The following ADAM2 variants were observed in gnomAD, a reference collection of about 807,000 sequenced individuals.
The protein encoded by ADAM2 is ADAM metallopeptidase domain 2.
In ADAM2, 101 loss-of-function variants were observed where a neutral mutation model predicts 99.3. The observed-to-expected ratio is 1.02, with a 90% CI of 0.87 to 1.20. The LOEUF (loss-of-function observed/expected upper bound fraction) is 1.20. Ranked by LOEUF, ADAM2 falls within the 50% of genes most tolerant of loss-of-function variation. ADAM2 has a pLI of 0.00. For synonymous variants in ADAM2, 323 were observed against 287.6 expected (o/e 1.12, Z -1.25); for missense variants, 948 against 878.7 (o/e 1.08, Z -1.00).
At chr8:39,769,679 AAGTCTGTG>A (rs1166360434) in intron 11 of ADAM2, 104 bp from the exon 12 acceptor site, 2 of 692,918 alleles carry the variant, frequency 2.9e-6, no homozygotes, top group Admixed American at 5.6e-5. Context: ...CCAAATTCCC[AAGTCTGTG>A]AGTGTCAATG....
At chr8:39,827,384 C>T (rs1057444943) in intron 3 of ADAM2, among the ~76,000 whole-genome samples, 1 of 152,076 alleles carries the variant, frequency 6.6e-6, no homozygotes, top group African/African-American at 2.4e-5. Context: ...CTTTACTGGG[C>T]ATATATCCAA....
intron 10 of ADAM2, among the ~76,000 whole-genome samples, chr8:39,785,796 TAAA>T (rs58429092): frequency 0.025 from 3,123 of 122,480 alleles, 99 homozygotes; most frequent in African/African-American, 0.087. Flanking sequence ...CTGTCTCAAA[TAAA>T]AAAAAAAAAA....
chr8:39,794,509 A>G (rs1364329225), intron 7 of ADAM2, among the ~76,000 whole-genome samples: 2 of 152,156 alleles, frequency 1.3e-5, no homozygotes, highest in African/African-American at 4.8e-5. Context: ...AAAAACTAAA[A>G]GGCAGAAATG....
At chr8:39,746,281 C>T (rs1282786709) in intron 19 of ADAM2, among the ~76,000 whole-genome samples, 191 bp downstream of exon 19, 1 of 152,090 alleles carries the variant, frequency 6.6e-6, no homozygotes, top group Non-Finnish European at 1.5e-5. Context: ...CTCGCCTTGG[C>T]CTCAGAAAGT....
chr8:39,779,807 G>A (rs1359346724), intron 10 of ADAM2, among the ~76,000 whole-genome samples: 2 of 152,066 alleles, frequency 1.3e-5, no homozygotes, highest in Non-Finnish European at 2.9e-5. Context: ...TGCATAACAT[G>A]TGAGCATTCT....
chr8:39,805,482 A>C (rs1249331536), intron 7 of ADAM2, among the ~76,000 whole-genome samples: 1 of 152,232 alleles, frequency 6.6e-6, no homozygotes, highest in Non-Finnish European at 1.5e-5. Context: ...AAGATAAAAC[A>C]AGACAAAATT....
intron 10 of ADAM2, among the ~76,000 whole-genome samples, chr8:39,781,364 G>A (rs1244754821): frequency 2.0e-5 from 3 of 152,046 alleles, no homozygotes; most frequent in African/African-American, 7.2e-5. Context: ...TCATCACTCA[G>A]GAAGTTCTTT....
intron 14 of ADAM2, among the ~76,000 whole-genome samples, chr8:39,761,925 C>T (rs1182670100): frequency 1.3e-5 from 2 of 152,056 alleles, no homozygotes; most frequent in East Asian, 3.9e-4. Flanking sequence ...ACTAAAACTA[C>T]AAAAGAAAAT....
At chr8:39,780,768 T>C (rs561680638) in intron 10 of ADAM2, among the ~76,000 whole-genome samples, 8 of 152,110 alleles carry the variant, frequency 5.3e-5, no homozygotes, top group Non-Finnish European at 1.2e-4. Context: ...TTAAATAATA[T>C]TTTGCTGCTT....
chr8:39,799,145 G>A (rs1413398087), intron 7 of ADAM2, among the ~76,000 whole-genome samples: 7 of 152,088 alleles, frequency 4.6e-5, no homozygotes, highest in Admixed American at 4.6e-4. Flanking sequence ...CTCAATTTGA[G>A]ATCTTTCTAG....
intron 11 of ADAM2, among the ~76,000 whole-genome samples, chr8:39,771,752 G>A (rs1392027643): frequency 6.6e-6 from 1 of 151,970 alleles, no homozygotes; most frequent in Non-Finnish European, 1.5e-5. Flanking sequence ...CTTAAATAAT[G>A]AATTTATTAT....
intron 10 of ADAM2, among the ~76,000 whole-genome samples, chr8:39,781,402 C>A (rs146516521): frequency 6.6e-6 from 1 of 152,284 alleles, no homozygotes; most frequent in East Asian, 1.9e-4. Flanking sequence ...ACTACCTCCA[C>A]ATAAAATAGA....
intron 6 of ADAM2, among the ~76,000 whole-genome samples, chr8:39,813,669 G>T (rs776862870): frequency 1.3e-4 from 20 of 151,910 alleles, no homozygotes; most frequent in Admixed American, 2.6e-4. Context: ...CTATCACAAG[G>T]ACAGAAAGTC....
In ADAM2 at chr8:39,769,585, C is replaced by T; in HGVS notation, c.1029-10G>A. The T allele has an allele frequency of 6.3e-7, 1 of 1,597,110 alleles. No individual in the cohort carries two copies. Among genetic ancestry groups the T allele is most frequent in the Non-Finnish European group, 8.6e-7 (1 of 1,166,754 alleles). On this transcript the variant is annotated splice_polypyrimidine_tract_variant and intron_variant, in intron 11 of 20. Transcript: ENST00000265708. ...CACACCACTGAAATGACTAAAGACACATCAAACGTCAAATTTTAATGTAAG... is the reference window on the plus strand; with the variant it reads ...CACACCACTGAAATGACTAAAGACATATCAAACGTCAAATTTTAATGTAAG...
chr8:39,783,931 C>A lies in ADAM2; in HGVS notation c.891+3043G>T, dbSNP rs183048658. Among the ~76,000 whole-genome samples the A allele has an allele frequency of 1.4e-4, 21 of 150,406 alleles. No individual in the cohort carries two copies. The East Asian group carries it at 4.1e-3, about 30-fold the overall frequency. Reference sequence around the variant, plus strand: ...CCCCATTCCAGCCTGGGTGACAGAGCGAGACTCTGTCTCGAAAAGAAAAAA... The same window carrying A: ...CCCCATTCCAGCCTGGGTGACAGAGAGAGACTCTGTCTCGAAAAGAAAAAA... On this transcript the variant is annotated intron_variant, in intron 10 of 20. Coordinates refer to ENST00000265708, the MANE Select transcript of ADAM2 (RefSeq NM_001464.5).
chr8:39,812,268 A>C (rs958461549), intron 6 of ADAM2, among the ~76,000 whole-genome samples: 1 of 152,266 alleles, frequency 6.6e-6, no homozygotes, highest in Non-Finnish European at 1.5e-5. Context: ...GCTCAACGAA[A>C]TAAAAGAGGA....
intron 12 of ADAM2, among the ~76,000 whole-genome samples, chr8:39,768,880 C>T (rs1171575111): frequency 3.3e-5 from 5 of 152,004 alleles, no homozygotes; most frequent in Middle Eastern, 3.2e-3. Flanking sequence ...AAGATGAATA[C>T]GTTCTAGAGA....
At chr8:39,823,931 C>G (rs1805296244) in intron 4 of ADAM2, among the ~76,000 whole-genome samples, 1 of 151,962 alleles carries the variant, frequency 6.6e-6, no homozygotes, top group South Asian at 2.1e-4. Context: ...ATATAGAAAT[C>G]AAGAACAACA....
At chr8:39,820,923 G>T in intron 6 of ADAM2, 79 bp downstream of exon 6, 1 of 918,696 alleles carries the variant, frequency 1.1e-6, no homozygotes, top group Non-Finnish European at 1.6e-6. Flanking sequence ...GTGTAAATAT[G>T]TAATTTATCA....
Sources: allele counts gnomAD v4.1 joint callset (sites outside exome capture counted in the v4.1 genomes callset), GRCh38; gene constraint gnomAD v4.1.1; transcripts MANE v1.5; gene names NCBI Gene and HGNC (gene_info 2026-07-23, HGNC 2026-07-21).